Variants in PCNA observed in about 807,000 individuals in gnomAD.
The protein encoded by PCNA is proliferating cell nuclear antigen, also known as DNA sliding clamp PCNA.
Under a neutral mutation model 27.8 loss-of-function variants are expected in PCNA, and 4 were observed. The observed-to-expected ratio is 0.14, with a 90% CI of 0.07 to 0.33. PCNA has a LOEUF of 0.33. Among genes scored for constraint, PCNA ranks in the 10% least tolerant of loss-of-function variants. PCNA has a pLI of 1.00. For synonymous variants in PCNA, 121 were observed against 119.4 expected, an observed-to-expected ratio of 1.01 and a Z score of -0.09; for missense variants, 165 against 327.4, an observed-to-expected ratio of 0.50 and a Z score of 3.83.
chr20:5,119,507 C>CG (rs1364290396), intron 1 of PCNA, 71 bp downstream of exon 1: 1 of 1,296,844 alleles, frequency 7.7e-7, no homozygotes, highest in South Asian at 1.3e-5. Context: ...GGGCTAGGCT[C>CG]GAAAGCGCTC....
In PCNA at chr20:5,119,435, G is replaced by C. The variant is rs572797011; in HGVS notation, c.221+143C>G. 1.4e-4 allele frequency: 92 copies of C among 681,268 alleles called. No homozygotes were observed. The South Asian group carries it at 1.7e-3, about 13-fold the overall frequency. The allele number at this position is 681,268 out of a possible 1,614,324, so 42.2% of individuals were successfully genotyped here. On this transcript the variant is annotated intron_variant, in intron 1 of 5. Transcript: ENST00000379143. ...CTTTTCCGAACCGCGCGCTCAGCTGGGCCCCACCCCACTGCGTGGCAGGCC... is the reference window on the plus strand; with the variant it reads ...CTTTTCCGAACCGCGCGCTCAGCTGCGCCCCACCCCACTGCGTGGCAGGCC...
chr20:5,122,804 T>G (rs2090525504), upstream of PCNA, among the ~76,000 whole-genome samples: 1 of 152,242 alleles, frequency 6.6e-6, no homozygotes, highest in Non-Finnish European at 1.5e-5. Context: ...AATGCCAAAT[T>G]ACATGTAATA....
At chr20:5,120,181 G>C (rs901157302), upstream of PCNA, among the ~76,000 whole-genome samples, 1 of 152,260 alleles carries the variant, frequency 6.6e-6, no homozygotes, top group Non-Finnish European at 1.5e-5. Context: ...CGCAGAACAA[G>C]TCCGGGCATA....
Position 5,115,290 on chromosome 20 carries a change from CCTT to C in PCNA, c.776_778del (p.Glu259del). 1 of 1,612,456 alleles carries C rather than the reference CCTT, an allele frequency of 6.2e-7. No individual in the cohort carries two copies. Among genetic ancestry groups the C allele is most frequent in the Non-Finnish European group, 8.5e-7 (1 of 1,178,582 alleles). ...CTTGAATTTTAAGAATGCCTAAGATCCTTCTTCATCCTCGATCTTGGGAGCCAA... is the reference window on the plus strand; with the variant it reads ...CTTGAATTTTAAGAATGCCTAAGATCCTTCATCCTCGATCTTGGGAGCCAA... On this transcript the variant is annotated inframe_deletion, in exon 6 of 6. Transcript: ENST00000379143.
upstream of PCNA, among the ~76,000 whole-genome samples, chr20:5,121,969 T>C (rs2090521238): frequency 6.7e-6 from 1 of 148,860 alleles, no homozygotes; most frequent in Admixed American, 6.6e-5. Flanking sequence ...TTCTTTTTTT[T>C]TTTCTTTTTC....
At chr20:5,118,459 G>A (rs1029716324) in intron 3 of PCNA, 151 bp downstream of exon 3, 2 of 609,240 alleles carry the variant, frequency 3.3e-6, no homozygotes, top group South Asian at 4.0e-5. Context: ...TTGAGCCCAG[G>A]AATCCCAGGT....
At chr20:5,126,573 C>T (rs911214249) in exon 1 of PCNA, 1 of 152,414 alleles carries the variant, frequency 6.6e-6, no homozygotes, top group African/African-American at 2.4e-5. Context: ...GCGCTTCTCG[C>T]CCTCAGTAAC....
rs759791882 is a variant in PCNA at position 5,119,760 on chromosome 20, C to T, written c.39G>A (p.Lys13=). The T allele has an allele frequency of 6.3e-7, 1 of 1,583,406 alleles. No homozygotes were observed. Among genetic ancestry groups the T allele is most frequent in the South Asian group, 1.1e-5 (1 of 87,280 alleles). ...GGTCCTTGAGTGCCTCCAACACCTT[C>T]TTGAGGATGGAGCCCTGGACCAGGC... The part of the protein sequence containing the change: ...EARLVQGSIL[K]KVLEALKDLI... The change falls in exon 1 of 6, where the codon AAG becomes AAA. Residue 13 remains lysine (K), a synonymous_variant. Coordinates refer to ENST00000379143, the MANE Select transcript of PCNA (RefSeq NM_182649.2).
upstream of PCNA, among the ~76,000 whole-genome samples, chr20:5,124,109 C>A (rs1213490992): frequency 1.8e-4 from 28 of 152,038 alleles, no homozygotes; most frequent in Non-Finnish European, 1.5e-5. Context: ...TTTAACCTAC[C>A]AAATTAATAA....
intron 4 of PCNA, among the ~76,000 whole-genome samples, chr20:5,115,859 A>G (rs1416400323): frequency 6.6e-6 from 1 of 152,166 alleles, no homozygotes; most frequent in Non-Finnish European, 1.5e-5. Flanking sequence ...CAGCTCTGCA[A>G]ACTCTAATTA....
Position 5,119,623 on chromosome 20 carries a change from G to A in PCNA, c.176C>T (p.Thr59Ile). ...QLTLRSEGFD[T>I]YRCDRNLAMG... ...GGCCAGGTTGCGGTCGCAGCGGTAG[G>A]TGTCGAAGCCCTCAGACCGCAGGGT... Residue 59 changes from threonine to isoleucine, a missense_variant, in exon 1 of 6, where the codon ACC becomes ATC. Transcript: ENST00000379143. The A allele has an allele frequency of 1.2e-6, 2 of 1,613,788 alleles. No homozygotes were observed. Among genetic ancestry groups the A allele is most frequent in the Non-Finnish European group, 1.7e-6 (2 of 1,179,972 alleles).
Position 5,115,378 on chromosome 20 carries a change from A to T in PCNA, c.707-16T>A. 2 of 1,613,610 alleles carry T rather than the reference A, an allele frequency of 1.2e-6. No homozygotes were observed. The highest frequency in any genetic ancestry group is 1.7e-6 in the Non-Finnish European group (2 of 1,179,596). ...TACTCTACAACTGAAAGACAGGAAG[A>T]TGGTTAATTACTGAGGAGTATGTAT... On this transcript the variant is annotated splice_polypyrimidine_tract_variant and intron_variant, in intron 5 of 5. Transcript: ENST00000379143.
chr20:5,119,080 C>G (rs527652252), intron 1 of PCNA, among the ~76,000 whole-genome samples: 1 of 152,242 alleles, frequency 6.6e-6, no homozygotes, highest in African/African-American at 2.4e-5. Context: ...AGTGTCCCTT[C>G]TGGATAGAAA....
At chr20:5,124,508 T>C (rs924490516), upstream of PCNA, among the ~76,000 whole-genome samples, 8 of 151,930 alleles carry the variant, frequency 5.3e-5, no homozygotes, top group African/African-American at 7.3e-5. Context: ...CGGGCGCCTG[T>C]AGTCCCAGCT....
At position 5,115,243 on chromosome 20, in the gene PCNA, T is replaced by C. The variant is rs776825639; in HGVS notation, c.*40A>G. 6.0e-6 allele frequency: 9 copies of C among 1,509,510 alleles called. No individual in the cohort carries two copies. In the African/African-American group the frequency reaches 1.1e-4, roughly 18 times the overall value. The allele number at this position is 1,509,510 out of a possible 1,614,324, so 93.5% of individuals were successfully genotyped here. ...TATGCTGGCATCTTAGAAGCAGTTC[T>C]CAAAGAGCTTAGTTTTATTTTCTTG... On this transcript the variant is annotated 3_prime_UTR_variant, in exon 6 of 6. Coordinates refer to ENST00000379143, the MANE Select transcript of PCNA (RefSeq NM_182649.2).
At chr20:5,118,569 C>T (rs1482570187) in intron 3 of PCNA, 41 bp downstream of exon 3, 1 of 1,325,016 alleles carries the variant, frequency 7.5e-7, no homozygotes, top group Admixed American at 1.7e-5. Flanking sequence ...AACTATCGTG[C>T]CTGTGTACAG....
At position 5,118,832 on chromosome 20, in the gene PCNA, C is replaced by T; in HGVS notation, c.256G>A (p.Asp86Asn). 6.2e-7 allele frequency: 1 copy of T among 1,613,110 alleles called. No homozygotes were observed. The highest frequency in any genetic ancestry group is 8.5e-7 in the Non-Finnish European group (1 of 1,179,132). ...TCTTCGGCCCTTAGTGTAATGATAT[C>T]TTCATTGCCGGCGCATTTTAGTATT... Reference protein sequence around the residue: ...SKILKCAGNEDIITLRAEDNA... With the variant: ...SKILKCAGNENIITLRAEDNA... Residue 86 changes from aspartate to asparagine, a missense_variant, in exon 2 of 6, where the codon GAT becomes AAT. Asp to Asn is a conservative substitution (Grantham distance 23). Coordinates refer to ENST00000379143, the MANE Select transcript of PCNA (RefSeq NM_182649.2).
At chr20:5,118,916 G>T in intron 1 of PCNA, 50 bp from the exon 2 acceptor site, 1 of 1,307,830 alleles carries the variant, frequency 7.6e-7, no homozygotes, top group Non-Finnish European at 1.1e-6. Context: ...CTGCTGAAGG[G>T]CTGTATTTCG....
In PCNA at chr20:5,114,974, C is replaced by T. The variant is rs537378145; in HGVS notation, c.*309G>A. On this transcript the variant is annotated 3_prime_UTR_variant, in exon 6 of 6. Coordinates refer to ENST00000379143, the MANE Select transcript of PCNA (RefSeq NM_182649.2). ...CCTGTGATGTTTGAAATTCAAGTAA[C>T]TTTATTTAAATTCAAAAACAATTCT... is the stretch of plus-strand genomic sequence containing the variant. 2.5e-5 allele frequency: 6 copies of T among 238,494 alleles called. No individual in the cohort carries two copies. The South Asian group carries it at 3.2e-4, about 13-fold the overall frequency. 14.8% of individuals were successfully genotyped at this position (238,494 alleles called of 1,614,324 possible). A position where few individuals can be genotyped will look rare whatever the true frequency, so the allele number is the denominator to read the frequency against.
Sources: allele counts gnomAD v4.1 joint callset (sites outside exome capture counted in the v4.1 genomes callset), GRCh38; gene constraint gnomAD v4.1.1; transcripts MANE v1.5; gene names NCBI Gene and HGNC (gene_info 2026-07-23, HGNC 2026-07-21).